Variants in CFAP77 observed in about 807,000 individuals in gnomAD.
CFAP77 encodes cilia and flagella associated protein 77.
Under a neutral mutation model 31.1 loss-of-function variants are expected in CFAP77, and 25 were observed. The ratio of observed to expected loss-of-function variants is 0.80; its 90% CI spans 0.59 to 1.12. CFAP77 has a LOEUF of 1.12. Ranked by LOEUF, CFAP77 falls within the 50% of genes most tolerant of loss-of-function variation. The pLI, the probability that CFAP77 is intolerant of heterozygous loss-of-function variation, is 0.00. For missense variants in CFAP77, 377 were observed against 397.3 expected, an observed-to-expected ratio of 0.95 and a Z score of 0.44; for synonymous variants, 151 against 159.9, an observed-to-expected ratio of 0.94 and a Z score of 0.42.
chr9:132,503,051 A>C (rs1851880347), intron 3 of CFAP77, among the ~76,000 whole-genome samples: 1 of 152,194 alleles, frequency 6.6e-6, no homozygotes, highest in South Asian at 2.1e-4. Flanking sequence ...CTCAAATACC[A>C]GGCACATCTC....
rs1423048081 is a variant in CFAP77, at chr9:132,572,372, TC to T, written c.733-13del. The stretch of plus-strand genomic sequence containing the variant: ...AAGTCTCCCCTCACCCACCCACTCT[TC>T]CCTTCTATCCACAGGTGGGCCGCCA... On this transcript the variant is annotated splice_polypyrimidine_tract_variant and intron_variant, in intron 5 of 5. Coordinates refer to ENST00000393216, the MANE Select transcript of CFAP77 (RefSeq NM_001282957.2). 1 of 1,611,570 alleles carries T rather than the reference TC, an allele frequency of 6.2e-7. No individual in the cohort carries two copies. Among genetic ancestry groups the T allele is most frequent in the African/African-American group, 1.3e-5 (1 of 74,858 alleles).
At chr9:132,512,305 G>T (rs1484057667) in intron 3 of CFAP77, among the ~76,000 whole-genome samples, 1 of 152,184 alleles carries the variant, frequency 6.6e-6, no homozygotes, top group African/African-American at 2.4e-5. Flanking sequence ...TTATCATTGG[G>T]TTTAGGGCTC....
At chr9:132,504,778 C>T (rs1486527855) in intron 3 of CFAP77, among the ~76,000 whole-genome samples, 1 of 136,250 alleles carries the variant, frequency 7.3e-6, no homozygotes, top group Non-Finnish European at 1.6e-5. Flanking sequence ...AGATGCCCAA[C>T]CTGCGTGGAA....
intron 3 of CFAP77, among the ~76,000 whole-genome samples, chr9:132,531,970 G>A (rs1659517543): frequency 1.3e-5 from 2 of 152,222 alleles, no homozygotes; most frequent in African/African-American, 4.8e-5. Flanking sequence ...CTTTTCTGTT[G>A]TGAACGGTCT....
chr9:132,532,650 C>T (rs988688921), intron 3 of CFAP77, among the ~76,000 whole-genome samples: 8 of 152,294 alleles, frequency 5.3e-5, no homozygotes, highest in East Asian at 1.9e-4. Context: ...CCCTGGGAGA[C>T]GCTTCCCCTC....
At chr9:132,470,330 C>T (rs1406645454) in intron 1 of CFAP77, among the ~76,000 whole-genome samples, 1 of 152,166 alleles carries the variant, frequency 6.6e-6, no homozygotes, top group Non-Finnish European at 1.5e-5. Flanking sequence ...GATGAGGGAG[C>T]TGAGGCTCAG....
Position 132,480,475 on chromosome 9 carries a change from C to T in CFAP77, c.196-18220C>T, listed in dbSNP as rs914822551. ...TGCCCCACCCCTTGGTGCTCAGTCACGTGAGCATCCCAGAGCATGTGCTGA... is the reference window on the plus strand; with the variant it reads ...TGCCCCACCCCTTGGTGCTCAGTCATGTGAGCATCCCAGAGCATGTGCTGA... On this transcript the variant is annotated intron_variant, in intron 1 of 5. Transcript: ENST00000393216. The surrounding 1 kb of genome is among the most constrained non-coding windows in gnomAD (Gnocchi z 5.8). Among the ~76,000 whole-genome samples the T allele has an allele frequency of 2.0e-5, 3 of 152,210 alleles. No homozygotes were observed. Among genetic ancestry groups the T allele is most frequent in the Admixed American group, 6.5e-5 (1 of 15,292 alleles).
Position 132,520,551 on chromosome 9 carries a change from G to A in CFAP77, c.525-17050G>A, listed in dbSNP as rs986694999. The stretch of plus-strand genomic sequence containing the variant: ...TCCCAGCTACTCAGGAGGCTGAGGC[G>A]AGAGGATTGCTTGAGTCTGGGAGAT... On this transcript the variant is annotated intron_variant, in intron 3 of 5. Coordinates refer to ENST00000393216, the MANE Select transcript of CFAP77 (RefSeq NM_001282957.2). 6.6e-5 allele frequency among the ~76,000 whole-genome samples: 10 copies of A among 152,284 alleles called. No homozygotes were observed. In the East Asian group the frequency reaches 1.3e-3, roughly 21 times the overall value.
At position 132,571,206 on chromosome 9, in the gene CFAP77, C is replaced by A. The variant is rs537825871; in HGVS notation, c.733-1182C>A. Among the ~76,000 whole-genome samples, 3 of 152,270 alleles carry A rather than the reference C, an allele frequency of 2.0e-5. No individual in the cohort carries two copies. In the South Asian group the frequency reaches 6.2e-4, roughly 32 times the overall value. On this transcript the variant is annotated intron_variant, in intron 5 of 5. Coordinates refer to ENST00000393216, the MANE Select transcript of CFAP77 (RefSeq NM_001282957.2). Reference sequence around the variant, plus strand: ...GTCCTGCTTTATCCTGAACCCACTGCAGAGCCTTTGGCTGCTCCTGCAAAT... The same window carrying A: ...GTCCTGCTTTATCCTGAACCCACTGAAGAGCCTTTGGCTGCTCCTGCAAAT...
At chr9:132,537,018 T>A (rs547743986) in intron 3 of CFAP77, among the ~76,000 whole-genome samples, 11 of 152,254 alleles carry the variant, frequency 7.2e-5, no homozygotes, top group African/African-American at 2.6e-4. Flanking sequence ...GTAAAGACAT[T>A]TTATTCAATA....
chr9:132,532,247 G>A (rs745548940), intron 3 of CFAP77, among the ~76,000 whole-genome samples: 3 of 152,244 alleles, frequency 2.0e-5, no homozygotes, highest in Non-Finnish European at 4.4e-5. Flanking sequence ...AGAGCTGCGT[G>A]GAGGGGAGGC....
At chr9:132,502,219 T>C (rs533543769) in intron 3 of CFAP77, among the ~76,000 whole-genome samples, 1 of 147,168 alleles carries the variant, frequency 6.8e-6, no homozygotes, top group Admixed American at 6.7e-5. Context: ...TTGCTTCTCC[T>C]GGACTAGGTG....
intron 3 of CFAP77, among the ~76,000 whole-genome samples, chr9:132,534,586 G>A (rs1191333891): frequency 5.8e-5 from 8 of 137,188 alleles, no homozygotes; most frequent in Non-Finnish European, 9.1e-5. Flanking sequence ...ACTCCAGCCT[G>A]AGCAACAGAG....
At position 132,497,445 on chromosome 9, in the gene CFAP77, C is replaced by T. The variant is rs975593535; in HGVS notation, c.196-1250C>T. Among the ~76,000 whole-genome samples the T allele has an allele frequency of 3.9e-5, 6 of 152,188 alleles. No homozygotes were observed. The highest frequency in any genetic ancestry group is 5.9e-5 in the Non-Finnish European group (4 of 68,030). ...TAACACCCTGTGACTTCGAAACCAC[C>T]GCCTGTGGCCTGTGGCCTGTGGCCT... On this transcript the variant is annotated intron_variant, in intron 1 of 5. Coordinates refer to ENST00000393216, the MANE Select transcript of CFAP77 (RefSeq NM_001282957.2). This position sits in a 1 kb window ranked among gnomAD's most constrained non-coding sequence, Gnocchi z 4.9.
chr9:132,446,048 C>A (rs1850706425), intron 1 of CFAP77, among the ~76,000 whole-genome samples: 1 of 151,974 alleles, frequency 6.6e-6, no homozygotes, highest in South Asian at 2.1e-4. Context: ...TTGCTGTTGA[C>A]CCTTATGTAG....
chr9:132,531,595 G>A (rs992647641), intron 3 of CFAP77, among the ~76,000 whole-genome samples: 3 of 149,082 alleles, frequency 2.0e-5, no homozygotes, highest in Non-Finnish European at 3.0e-5. Context: ...CCTGCGGCCC[G>A]GGCAATGAGT....
chr9:132,567,992 T>TG (rs969920999), intron 5 of CFAP77, among the ~76,000 whole-genome samples: 3 of 152,158 alleles, frequency 2.0e-5, no homozygotes, highest in African/African-American at 7.2e-5. Context: ...TCTCAAGTTC[T>TG]GGGGGTTAGT....
At chr9:132,458,084 T>TG (rs907935168) in intron 1 of CFAP77, among the ~76,000 whole-genome samples, 2 of 152,146 alleles carry the variant, frequency 1.3e-5, no homozygotes, top group Non-Finnish European at 2.9e-5. Flanking sequence ...TAGAGAAGCG[T>TG]GGGGCTTGAG....
intron 1 of CFAP77, among the ~76,000 whole-genome samples, chr9:132,443,941 A>C (rs1850662027): frequency 6.6e-6 from 1 of 152,228 alleles, no homozygotes; most frequent in African/African-American, 2.4e-5. Flanking sequence ...CATTTTATTC[A>C]ATCAACCGTT....
Sources: gnomAD v4.1 joint callset for allele counts (sites outside exome capture counted in the v4.1 genomes callset) on GRCh38, gnomAD v4.1.1 for gene constraint, Gnocchi (gnomAD v3.1) non-coding constraint, MANE v1.5 for transcripts, NCBI Gene and HGNC (gene_info 2026-07-23, HGNC 2026-07-21) for gene names.